BTBD1: variants seen among roughly 807,000 people sequenced by gnomAD.
BTBD1 encodes the protein BTB domain containing 1.
In BTBD1, 34 loss-of-function variants were observed where a neutral mutation model predicts 48.0. The ratio of observed to expected loss-of-function variants is 0.71; its 90% CI spans 0.54 to 0.94. The LOEUF (loss-of-function observed/expected upper bound fraction) is 0.94. Among genes scored for constraint, BTBD1 ranks in the 40% least tolerant of loss-of-function variants. The probability of loss-of-function intolerance (pLI) is 0.00; values close to 1 mark genes in which losing one functional copy is unlikely to be tolerated. For missense variants in BTBD1, 543 were observed against 625.6 expected, an observed-to-expected ratio of 0.87 and a Z score of 1.41; for synonymous variants, 261 against 242.1, an observed-to-expected ratio of 1.08 and a Z score of -0.72.
intron 3 of BTBD1, 91 bp from the exon 4 acceptor site, chr15:83,042,016 G>C (rs1338194782): frequency 5.8e-5 from 61 of 1,059,042 alleles, no homozygotes; most frequent in Non-Finnish European, 8.3e-5. Context: ...TAAGTTTTCA[G>C]ATCTCAACAA....
At chr15:83,022,101 A>C (rs929943590) in intron 5 of BTBD1, 5 of 152,120 alleles carry the variant, frequency 3.3e-5, no homozygotes, top group African/African-American at 1.2e-4. Context: ...GCTGGGGTAC[A>C]GTGGTACAAT....
At chr15:83,050,234 G>T in intron 2 of BTBD1, 56 bp from the exon 3 acceptor site, 2 of 1,057,056 alleles carry the variant, frequency 1.9e-6, no homozygotes, top group Non-Finnish European at 2.8e-6. Context: ...CCTTCAGACT[G>T]TACATATTTG....
intron 5 of BTBD1, among the ~76,000 whole-genome samples, chr15:83,029,369 C>T (rs1055245033): frequency 7.2e-5 from 11 of 152,162 alleles, no homozygotes; most frequent in East Asian, 1.9e-4. Flanking sequence ...CAGGATTATA[C>T]GCATGCATTT....
chr15:83,019,925 G>A (rs186262093), intron 6 of BTBD1, among the ~76,000 whole-genome samples: 1,333 of 131,778 alleles, frequency 0.01, 10 homozygotes, highest in Middle Eastern at 0.022. Context: ...AGCCAAGATC[G>A]CGCCACTGCA....
chr15:83,029,945 C>T (rs1192663208), intron 5 of BTBD1, 191 bp downstream of exon 5: 4 of 631,234 alleles, frequency 6.3e-6, no homozygotes, highest in South Asian at 4.1e-5. Flanking sequence ...AGAAGTCACC[C>T]TCACTCATAA....
chr15:83,031,593 A>G (rs1245909598), intron 4 of BTBD1, among the ~76,000 whole-genome samples: 8 of 152,194 alleles, frequency 5.3e-5, no homozygotes, highest in African/African-American at 1.4e-4. Context: ...ACACTTGGAC[A>G]CAGGAAGGGG....
intron 1 of BTBD1, among the ~76,000 whole-genome samples, chr15:83,062,688 G>A (rs188871879): frequency 5.1e-4 from 78 of 152,282 alleles, no homozygotes; most frequent in African/African-American, 1.8e-3. Context: ...CGATGGTCCA[G>A]TTGGAAATGA....
chr15:83,026,386 G>A (rs2032407256), intron 5 of BTBD1, among the ~76,000 whole-genome samples: 1 of 152,054 alleles, frequency 6.6e-6, no homozygotes, highest in Non-Finnish European at 1.5e-5. Context: ...TTCCTGAAAT[G>A]CACAGAACAG....
Position 83,050,051 on chromosome 15 carries a change from AT to A in BTBD1, c.664+21del, listed in dbSNP as rs201943807. Reference sequence around the variant, plus strand: ...CATTAACTGTACTTAAAATGTAACAATTTACTTCATAGCGAACTTACCTATA... The same window carrying A: ...CATTAACTGTACTTAAAATGTAACAATTACTTCATAGCGAACTTACCTATA... On this transcript the variant is annotated intron_variant, in intron 3 of 7. Coordinates refer to ENST00000261721, the MANE Select transcript of BTBD1 (RefSeq NM_025238.4). 2.8e-3 allele frequency: 4,109 copies of A among 1,469,600 alleles called. 89 individuals carry two copies. In the African/African-American group the frequency reaches 0.048, roughly 17 times the overall value. 91.0% of individuals were successfully genotyped at this position (1,469,600 alleles called of 1,614,324 possible).
chr15:83,023,671 T>C (rs1160031129), intron 5 of BTBD1, among the ~76,000 whole-genome samples: 4 of 152,192 alleles, frequency 2.6e-5, no homozygotes, highest in Admixed American at 6.5e-5. Flanking sequence ...ATTACAGGTG[T>C]GAGCCACCAC....
At chr15:83,018,913 A>G in intron 6 of BTBD1, 60 bp from the exon 7 acceptor site, 1 of 1,336,414 alleles carries the variant, frequency 7.5e-7, no homozygotes, top group Admixed American at 2.0e-5. Context: ...AACTATAGAA[A>G]ATAATATAAA....
At chr15:83,018,878 C>T (rs2032226147) in intron 6 of BTBD1, 25 bp from the exon 7 acceptor site, 1 of 1,600,172 alleles carries the variant, frequency 6.2e-7, no homozygotes, top group Non-Finnish European at 8.5e-7. Flanking sequence ...AGACAAGTTA[C>T]ATTTAAGTTA....
chr15:83,033,484 A>G (rs2032563574), intron 4 of BTBD1, among the ~76,000 whole-genome samples: 1 of 152,232 alleles, frequency 6.6e-6, no homozygotes, highest in Non-Finnish European at 1.5e-5. Flanking sequence ...ATTAAAATAC[A>G]TGAAATAGTA....
chr15:83,047,980 G>A (rs534048691), intron 3 of BTBD1, among the ~76,000 whole-genome samples: 1 of 152,308 alleles, frequency 6.6e-6, no homozygotes, highest in Non-Finnish European at 1.5e-5. Context: ...GTAGAGAATG[G>A]AGTGTATGGG....
At chr15:83,048,912 T>C (rs958573147) in intron 3 of BTBD1, among the ~76,000 whole-genome samples, 9 of 152,202 alleles carry the variant, frequency 5.9e-5, no homozygotes, top group South Asian at 2.1e-4. Flanking sequence ...ACAGTGGTCA[T>C]AGTGGTGGTG....
At chr15:83,034,697 T>TA (rs370239708) in intron 4 of BTBD1, among the ~76,000 whole-genome samples, 8 of 150,320 alleles carry the variant, frequency 5.3e-5, no homozygotes, top group South Asian at 2.1e-4. Flanking sequence ...AAATTCAATA[T>TA]AAAAAAAAAT....
intron 1 of BTBD1, among the ~76,000 whole-genome samples, chr15:83,057,642 G>A (rs1227767461): frequency 2.0e-5 from 3 of 152,030 alleles, no homozygotes; most frequent in African/African-American, 4.8e-5. Flanking sequence ...AGCACCATGT[G>A]CTGGTTTTAT....
intron 5 of BTBD1, among the ~76,000 whole-genome samples, chr15:83,027,033 G>A (rs1021919752): frequency 6.6e-5 from 10 of 151,832 alleles, no homozygotes; most frequent in African/African-American, 1.9e-4. Context: ...TACACGCCTC[G>A]CATAGATTAT....
At chr15:83,058,218 G>A (rs776724241) in intron 1 of BTBD1, among the ~76,000 whole-genome samples, 2 of 152,184 alleles carry the variant, frequency 1.3e-5, no homozygotes, top group Admixed American at 6.5e-5. Context: ...GCTCCGCTGC[G>A]GCTTTGAAAG....
Sources: gnomAD v4.1 joint callset for allele counts (sites outside exome capture counted in the v4.1 genomes callset) on GRCh38, gnomAD v4.1.1 for gene constraint, MANE v1.5 for transcripts, NCBI Gene and HGNC (gene_info 2026-07-23, HGNC 2026-07-21) for gene names.